The following TTC29 variants were observed in gnomAD, a reference collection of about 807,000 sequenced individuals.
TTC29 encodes the protein tetratricopeptide repeat protein 29.
Under a neutral mutation model 58.1 loss-of-function variants are expected in TTC29, and 49 were observed. The ratio of observed to expected loss-of-function variants is 0.84; its 90% CI spans 0.67 to 1.07. The LOEUF (loss-of-function observed/expected upper bound fraction) is 1.07. TTC29 is among the 50% of genes least tolerant of loss of function. TTC29 has a pLI of 0.00. For synonymous variants in TTC29, 209 were observed against 196.8 expected, an observed-to-expected ratio of 1.06 and a Z score of -0.52; for missense variants, 582 against 555.6, an observed-to-expected ratio of 1.05 and a Z score of -0.48.
chr4:146,827,226 C>T (rs186799785), intron 9 of TTC29, among the ~76,000 whole-genome samples: 84 of 152,252 alleles, frequency 5.5e-4, no homozygotes, highest in African/African-American at 1.7e-3. Flanking sequence ...TCCCTCTCTC[C>T]GTGGGTCCTG....
At chr4:146,891,594 G>A (rs1047942753) in intron 6 of TTC29, among the ~76,000 whole-genome samples, 15 of 152,178 alleles carry the variant, frequency 9.9e-5, no homozygotes, top group African/African-American at 3.6e-4. Flanking sequence ...GCAGCTGGGA[G>A]ATAAAACACA....
At chr4:146,915,378 T>C (rs1734155017) in intron 4 of TTC29, among the ~76,000 whole-genome samples, 1 of 152,060 alleles carries the variant, frequency 6.6e-6, no homozygotes, top group African/African-American at 2.4e-5. Context: ...CAATCCATGT[T>C]TAGGTTGGGT....
chr4:146,929,392 A>AT, intron 4 of TTC29, among the ~76,000 whole-genome samples: 4 of 152,258 alleles, frequency 2.6e-5, no homozygotes, highest in Non-Finnish European at 5.9e-5. Context: ...CACAGTGGCC[A>AT]ATTATTTTAT....
At chr4:146,820,395 A>G (rs1751736673) in intron 9 of TTC29, 147 bp from the exon 10 acceptor site, 1 of 961,176 alleles carries the variant, frequency 1.0e-6, no homozygotes, top group Non-Finnish European at 1.5e-6. Context: ...ATTAAAATAT[A>G]TGGCTTGTTT....
chr4:146,879,415 A>G (rs1424074558), intron 6 of TTC29, among the ~76,000 whole-genome samples: 2 of 152,050 alleles, frequency 1.3e-5, no homozygotes, highest in African/African-American at 4.8e-5. Flanking sequence ...TCTGATATTA[A>G]GACTAGATAT....
intron 11 of TTC29, among the ~76,000 whole-genome samples, chr4:146,788,095 T>A (rs1412397958): frequency 2.0e-5 from 3 of 152,200 alleles, no homozygotes; most frequent in Non-Finnish European, 4.4e-5. Flanking sequence ...GAGGATTCAG[T>A]ACCTACAAGT....
intron 4 of TTC29, among the ~76,000 whole-genome samples, chr4:146,924,087 A>G (rs1014134285): frequency 3.3e-5 from 5 of 151,772 alleles, no homozygotes; most frequent in African/African-American, 1.2e-4. Context: ...TTAATATTTT[A>G]TATTCAACAA....
chr4:146,816,043 G>T (rs1173867275), intron 10 of TTC29, among the ~76,000 whole-genome samples: 1 of 152,086 alleles, frequency 6.6e-6, no homozygotes, highest in African/African-American at 2.4e-5. Flanking sequence ...TTAATTCTCC[G>T]ATTTTTGATT....
At chr4:146,752,339 A>AACTAGGAATCCAACAT (rs574848832) in intron 11 of TTC29, among the ~76,000 whole-genome samples, 1 of 40,036 alleles carries the variant, frequency 2.5e-5, no homozygotes, top group Non-Finnish European at 4.0e-5. Flanking sequence ...AGAATAAAAT[A>AACTAGGAATCCAACAT]ACAAGGGATG....
chr4:146,743,120 A>C lies in TTC29; in HGVS notation c.1331-35569T>G, dbSNP rs367907085. On this transcript the variant is annotated intron_variant, in intron 11 of 12. Coordinates refer to ENST00000325106, the MANE Select transcript of TTC29 (RefSeq NM_031956.4). ...CAGGAAGGGCCAGGAAAAGACTTTA[A>C]ATTTCATGTAGAAAACATTCTCGGT... 1.5e-4 allele frequency among the ~76,000 whole-genome samples: 23 copies of C among 152,246 alleles called. No individual in the cohort carries two copies. In the East Asian group the frequency reaches 3.7e-3, roughly 24 times the overall value.
chr4:146,879,222 A>C, intron 6 of TTC29, among the ~76,000 whole-genome samples: 1 of 152,286 alleles, frequency 6.6e-6, no homozygotes, highest in Non-Finnish European at 1.5e-5. Flanking sequence ...ATATATTATG[A>C]TATAGTAGAA....
intron 11 of TTC29, among the ~76,000 whole-genome samples, chr4:146,756,270 CAA>C (rs146497942): frequency 0.35 from 37,823 of 107,272 alleles, 4,866 homozygotes; most frequent in East Asian, 0.49. Flanking sequence ...GACTCTGTCT[CAA>C]AAAAAAAAAA....
intron 11 of TTC29, among the ~76,000 whole-genome samples, chr4:146,764,865 A>G (rs1747175275): frequency 6.6e-6 from 1 of 151,970 alleles, no homozygotes; most frequent in African/African-American, 2.4e-5. Context: ...GTTTTTTCTT[A>G]TTGCCTACTG....
intron 5 of TTC29, among the ~76,000 whole-genome samples, chr4:146,908,678 T>C (rs1733686587): frequency 6.6e-6 from 1 of 152,166 alleles, no homozygotes; most frequent in African/African-American, 2.4e-5. Flanking sequence ...AAGTATCTCC[T>C]CTATGAAAGT....
At position 146,939,784 on chromosome 4, in the gene TTC29, T is replaced by C. The variant is rs751635860; in HGVS notation, c.92+20A>G. ...AAAATTCCTTCTGTAGGAAAATAAGTAAAAACCAGGGGCACGTACCTTGGA... is the reference window on the plus strand; with the variant it reads ...AAAATTCCTTCTGTAGGAAAATAAGCAAAAACCAGGGGCACGTACCTTGGA... On this transcript the variant is annotated intron_variant, in intron 3 of 12. Coordinates refer to ENST00000325106, the MANE Select transcript of TTC29 (RefSeq NM_031956.4). 3 of 1,590,578 alleles carry C rather than the reference T, an allele frequency of 1.9e-6. No homozygotes were observed. The highest frequency in any genetic ancestry group is 2.3e-5 in the South Asian group (2 of 85,956).
chr4:146,885,956 C>T (rs1287371378), intron 6 of TTC29, among the ~76,000 whole-genome samples: 1 of 151,880 alleles, frequency 6.6e-6, no homozygotes, highest in Non-Finnish European at 1.5e-5. Flanking sequence ...CATTACTTTC[C>T]ATATTTCATC....
At chr4:146,893,068 A>G (rs1579926710) in intron 6 of TTC29, among the ~76,000 whole-genome samples, 1 of 152,212 alleles carries the variant, frequency 6.6e-6, no homozygotes, top group Non-Finnish European at 1.5e-5. Context: ...ATGCTCATGG[A>G]TAGGAAGAAT....
intron 10 of TTC29, among the ~76,000 whole-genome samples, chr4:146,811,851 C>T (rs1751046537): frequency 6.6e-6 from 1 of 152,186 alleles, no homozygotes; most frequent in Admixed American, 6.5e-5. Flanking sequence ...ACATATAACA[C>T]TATCTTATAT....
chr4:146,895,902 A>C (rs1391076703), intron 6 of TTC29, among the ~76,000 whole-genome samples: 1 of 152,082 alleles, frequency 6.6e-6, no homozygotes, highest in Non-Finnish European at 1.5e-5. Context: ...TTGTTTTTTT[A>C]ATAGTGTATT....
Sources: allele counts gnomAD v4.1 joint callset (sites outside exome capture counted in the v4.1 genomes callset), GRCh38; gene constraint gnomAD v4.1.1; transcripts MANE v1.5; gene names NCBI Gene and HGNC (gene_info 2026-07-23, HGNC 2026-07-21).